SCHIP1: variants seen among roughly 807,000 people sequenced by gnomAD.
The protein encoded by SCHIP1 is schwannomin interacting protein 1.
In SCHIP1, 8 loss-of-function variants were observed where a neutral mutation model predicts 29.7. The ratio of observed to expected loss-of-function variants is 0.27; its 90% CI spans 0.16 to 0.49. SCHIP1 has a LOEUF of 0.49. SCHIP1 is among the 20% of genes least tolerant of loss of function. SCHIP1 has a pLI of 0.99. For missense variants in SCHIP1, 193 were observed against 294.6 expected, an observed-to-expected ratio of 0.66 and a Z score of 2.52; for synonymous variants, 76 against 94.9, an observed-to-expected ratio of 0.80 and a Z score of 1.16.
chr3:159,742,074 A>C, the SCHIP1 span, among the ~76,000 whole-genome samples: 4 of 152,042 alleles, frequency 2.6e-5, no homozygotes, highest in African/African-American at 9.7e-5. Context: ...AAAATACAAA[A>C]AATTAGCCGG....
chr3:159,781,244 C>T, the SCHIP1 span, among the ~76,000 whole-genome samples: 1 of 152,088 alleles, frequency 6.6e-6, no homozygotes, highest in African/African-American at 2.4e-5. Flanking sequence ...GGCATGATCT[C>T]GGCTCACTGC....
chr3:159,867,743 T>C (rs1388909361), intron 2 of SCHIP1, among the ~76,000 whole-genome samples: 1 of 152,170 alleles, frequency 6.6e-6, no homozygotes, highest in Non-Finnish European at 1.5e-5. Context: ...GGATTAGTCC[T>C]AGTACACTTC....
the SCHIP1 span, among the ~76,000 whole-genome samples, chr3:159,419,417 C>T: frequency 6.6e-6 from 1 of 152,124 alleles, no homozygotes; most frequent in African/African-American, 2.4e-5. Flanking sequence ...TGTCATTTTA[C>T]CTCACTCTTC....
At chr3:159,744,301 G>A in the SCHIP1 span, among the ~76,000 whole-genome samples, 4 of 152,144 alleles carry the variant, frequency 2.6e-5, no homozygotes, top group Admixed American at 2.0e-4. Flanking sequence ...GTGTCTGAAA[G>A]AAACTGATCA....
the SCHIP1 span, among the ~76,000 whole-genome samples, chr3:159,695,711 T>G: frequency 2.6e-5 from 4 of 152,170 alleles, no homozygotes; most frequent in East Asian, 7.7e-4. Context: ...TCACTATTTG[T>G]CCCATTGCTT....
At chr3:159,752,688 C>T in the SCHIP1 span, among the ~76,000 whole-genome samples, 9 of 152,064 alleles carry the variant, frequency 5.9e-5, no homozygotes, top group South Asian at 2.1e-4. Flanking sequence ...CTCACTATTA[C>T]GAGAACAGCA....
At chr3:159,298,818 T>C in the SCHIP1 span, among the ~76,000 whole-genome samples, 1 of 152,200 alleles carries the variant, frequency 6.6e-6, no homozygotes, top group Non-Finnish European at 1.5e-5. Flanking sequence ...AAAAATCAAA[T>C]TTTTTAAAAT....
At chr3:159,394,410 C>T in the SCHIP1 span, among the ~76,000 whole-genome samples, 91 of 152,008 alleles carry the variant, frequency 6.0e-4, no homozygotes, top group African/African-American at 2.0e-3. Flanking sequence ...AAAGGGAATG[C>T]TTCCAGTGTT....
the SCHIP1 span, among the ~76,000 whole-genome samples, chr3:159,571,287 A>AT: frequency 2.0e-5 from 3 of 152,164 alleles, no homozygotes; most frequent in East Asian, 5.8e-4. Context: ...AATAGCTATT[A>AT]TTTTGAGATA....
the SCHIP1 span, among the ~76,000 whole-genome samples, chr3:159,490,830 A>T: frequency 2.0e-5 from 3 of 152,198 alleles, no homozygotes; most frequent in Admixed American, 6.5e-5. Flanking sequence ...ATGATTACTT[A>T]TACAGAGAGA....
the SCHIP1 span, among the ~76,000 whole-genome samples, chr3:159,832,741 C>G: frequency 1.3e-5 from 2 of 152,146 alleles, no homozygotes; most frequent in Non-Finnish European, 1.5e-5. Flanking sequence ...TCATTCTCTT[C>G]TCACTTTGTT....
the SCHIP1 span, among the ~76,000 whole-genome samples, chr3:159,638,908 G>A: frequency 6.6e-6 from 1 of 151,790 alleles, no homozygotes; most frequent in Non-Finnish European, 1.5e-5. Flanking sequence ...AATAGATGTT[G>A]AAGTTCCAAT....
the SCHIP1 span, among the ~76,000 whole-genome samples, chr3:159,608,570 T>C: frequency 6.6e-6 from 1 of 152,192 alleles, no homozygotes; most frequent in South Asian, 2.1e-4. Flanking sequence ...TGCTGTAAAA[T>C]AAATCCAACC....
chr3:159,804,102 CT>C, the SCHIP1 span, among the ~76,000 whole-genome samples: 2 of 152,210 alleles, frequency 1.3e-5, no homozygotes, highest in Non-Finnish European at 2.9e-5. Context: ...GTCAAGTCAA[CT>C]TTCCCTGGTC....
At chr3:159,686,852 GAACT>G in the SCHIP1 span, among the ~76,000 whole-genome samples, 3,800 of 152,196 alleles carry the variant, frequency 0.025, 183 homozygotes, top group African/African-American at 0.088. Context: ...CAGTAACTTA[GAACT>G]AATCTAAGTT....
chr3:159,888,551 G>T, intron 4 of SCHIP1: 1 of 322,362 alleles, frequency 3.1e-6, no homozygotes, highest in East Asian at 5.7e-5. Context: ...TAATTCATTT[G>T]TGGCTATAAC....
chr3:159,587,361 A>C, the SCHIP1 span, among the ~76,000 whole-genome samples: 1 of 152,088 alleles, frequency 6.6e-6, no homozygotes, highest in African/African-American at 2.4e-5. Flanking sequence ...GAACAAGATG[A>C]ATAAAAAACT....
At chr3:159,412,330 A>T in the SCHIP1 span, among the ~76,000 whole-genome samples, 17 of 152,348 alleles carry the variant, frequency 1.1e-4, no homozygotes, top group African/African-American at 4.1e-4. Flanking sequence ...TATCAAACTT[A>T]GATCCTTTTG....
At chr3:159,373,453 C>T in the SCHIP1 span, among the ~76,000 whole-genome samples, 1 of 151,848 alleles carries the variant, frequency 6.6e-6, no homozygotes, top group African/African-American at 2.4e-5. Context: ...GAAATTTACC[C>T]TCTTAGGGAT....
Sources: gnomAD v4.1 joint callset for allele counts (sites outside exome capture counted in the v4.1 genomes callset) on GRCh38, gnomAD v4.1.1 for gene constraint, MANE v1.5 for transcripts, NCBI Gene and HGNC (gene_info 2026-07-23, HGNC 2026-07-21) for gene names.